The following HVCN1 variants were observed in gnomAD, a reference collection of about 807,000 sequenced individuals.
The protein encoded by HVCN1 is voltage-gated hydrogen channel 1.
In HVCN1, 14 loss-of-function variants were observed where a neutral mutation model predicts 29.2. The observed-to-expected ratio is 0.48, with a 90% confidence interval of 0.32 to 0.75. The LOEUF (loss-of-function observed/expected upper bound fraction) is 0.75, where lower values mean the gene tolerates loss of function less well. Among genes scored for constraint, HVCN1 ranks in the 30% least tolerant of loss-of-function variants. HVCN1 has a pLI of 0.04. For synonymous variants in HVCN1, 131 were observed against 133.2 expected, an observed-to-expected ratio of 0.98 and a Z score of 0.11; for missense variants, 263 against 341.8, an observed-to-expected ratio of 0.77 and a Z score of 1.82.
At chr12:110,655,797 T>C (rs1029124180) in intron 4 of HVCN1, among the ~76,000 whole-genome samples, 2 of 150,886 alleles carry the variant, frequency 1.3e-5, no homozygotes, top group African/African-American at 4.9e-5. Flanking sequence ...CTCTGCCTCC[T>C]GAGTTCAAGC....
At chr12:110,698,732 G>A (rs571447230) in intron 2 of HVCN1, among the ~76,000 whole-genome samples, 5 of 152,170 alleles carry the variant, frequency 3.3e-5, no homozygotes, top group African/African-American at 4.8e-5. Context: ...GAGTCACTCC[G>A]TCCACTGGCC....
In HVCN1 at chr12:110,658,388, C is replaced by G. The variant is rs1325569578; in HGVS notation, c.306+2776G>C. Among the ~76,000 whole-genome samples the G allele has an allele frequency of 6.6e-6, 1 of 152,122 alleles. No homozygotes were observed. The highest frequency in any genetic ancestry group is 1.5e-5 in the Non-Finnish European group (1 of 68,018). ...GTCCCTCCACAAATCTGATCTCCCA[C>G]CCACACACTTAGAGCTTTCAAAGGC... On this transcript the variant is annotated intron_variant, in intron 4 of 7. Coordinates refer to ENST00000242607, the MANE Select transcript of HVCN1 (RefSeq NM_032369.4). The surrounding 1 kb of genome is among the most constrained non-coding windows in gnomAD (Gnocchi z 5.0).
upstream of HVCN1, among the ~76,000 whole-genome samples, chr12:110,691,352 C>G (rs1312760821): frequency 6.6e-6 from 1 of 152,216 alleles, no homozygotes; most frequent in Admixed American, 6.5e-5. Flanking sequence ...CGTGAGCCAC[C>G]GCGTCTGGCC....
In HVCN1 at chr12:110,649,434, A is replaced by G. The variant is rs1389750980; in HGVS notation, c.798T>C (p.His266=). ...TCTAGTTCACTTCACCAAGAAGTCC[A>G]TGCTGTCGCAATAGTTTGTTAAGTC... ...IERLNKLLRQ[H]GLLGEVN The change falls in exon 8 of 8, where the codon CAT becomes CAC. Residue 266 remains histidine (H), a synonymous_variant. Transcript: ENST00000242607. The G allele has an allele frequency of 1.9e-6, 3 of 1,609,182 alleles. No homozygotes were observed. The highest frequency in any genetic ancestry group is 2.2e-5 in the East Asian group (1 of 44,872).
rs1227447117 is a variant in HVCN1, at chr12:110,676,805, G to T, written c.21+6420C>A. Among the ~76,000 whole-genome samples, 1 of 151,994 alleles carries T rather than the reference G, an allele frequency of 6.6e-6. No homozygotes were observed. Among genetic ancestry groups the T allele is most frequent in the Non-Finnish European group, 1.5e-5 (1 of 68,016 alleles). On this transcript the variant is annotated intron_variant, in intron 3 of 7. Coordinates refer to ENST00000242607, the MANE Select transcript of HVCN1 (RefSeq NM_032369.4). The surrounding 1 kb of genome is among the most constrained non-coding windows in gnomAD (Gnocchi z 4.1). ...TACTGATTTTAATTTCAATCCTTTT[G>T]TGGCAATTAATCTGAGCCAGGAGCA...
chr12:110,651,072 A>C lies in HVCN1; in HGVS notation c.643+145T>G, dbSNP rs1010439518. On this transcript the variant is annotated intron_variant, in intron 6 of 7. Transcript: ENST00000242607. ...AAGGGCTGAAGAGGAAGAAGGGAGG[A>C]GAGGGAGGTGAGGGGGCAGAGGGGA... 2.2e-5 allele frequency: 14 copies of C among 626,114 alleles called. 1 individual carries two copies. The highest frequency in any genetic ancestry group is 2.2e-4 in the African/African-American group (12 of 54,302). The allele number at this position is 626,114 out of a possible 1,614,324, so 38.8% of individuals were successfully genotyped here.
chr12:110,663,018 G>T (rs180911777), intron 3 of HVCN1, among the ~76,000 whole-genome samples: 7 of 152,274 alleles, frequency 4.6e-5, no homozygotes, highest in Admixed American at 3.3e-4. Flanking sequence ...TCAGAAAAAC[G>T]CAGAGTGAAG....
chr12:110,697,172 G>A (rs2069506547), intron 2 of HVCN1, among the ~76,000 whole-genome samples: 1 of 152,044 alleles, frequency 6.6e-6, no homozygotes, highest in African/African-American at 2.4e-5. Context: ...CAAAGTGGAG[G>A]TGTCACCTGG....
chr12:110,672,858 C>A (rs1363857063), intron 3 of HVCN1, among the ~76,000 whole-genome samples: 1 of 152,206 alleles, frequency 6.6e-6, no homozygotes, highest in South Asian at 2.1e-4. Flanking sequence ...TCGCCTCCTG[C>A]CATAATTCTG....
intron 3 of HVCN1, among the ~76,000 whole-genome samples, chr12:110,664,947 A>G (rs1246658751): frequency 6.6e-6 from 1 of 152,238 alleles, no homozygotes; most frequent in Non-Finnish European, 1.5e-5. Flanking sequence ...CAGCCAGAGT[A>G]GAGAGACCTC....
intron 2 of HVCN1, among the ~76,000 whole-genome samples, chr12:110,700,072 C>G (rs1019208373): frequency 1.3e-5 from 2 of 152,174 alleles, no homozygotes; most frequent in African/African-American, 4.8e-5. Context: ...GAGGAATTGC[C>G]CAGAGTGGCC....
intron 3 of HVCN1, among the ~76,000 whole-genome samples, chr12:110,674,739 T>C (rs1407736996): frequency 1.3e-5 from 2 of 152,202 alleles, no homozygotes; most frequent in Admixed American, 6.5e-5. Flanking sequence ...CCTGCCATGA[T>C]TCTGAGGCCT....
At chr12:110,671,470 G>A (rs986273041) in intron 3 of HVCN1, among the ~76,000 whole-genome samples, 7 of 152,238 alleles carry the variant, frequency 4.6e-5, no homozygotes, top group South Asian at 4.1e-4. Flanking sequence ...ATCCCAAAGC[G>A]TCCAGGAGCC....
intron 2 of HVCN1, among the ~76,000 whole-genome samples, chr12:110,701,864 AAACAAAACAACAAG>A (rs1196098222): frequency 6.7e-6 from 1 of 149,566 alleles, no homozygotes; most frequent in East Asian, 1.9e-4. Context: ...CTCAAAAACA[AAACAAAACAACAAG>A]AACAAAACAA....
chr12:110,694,085 T>C (rs528049238), upstream of HVCN1, among the ~76,000 whole-genome samples: 1 of 152,242 alleles, frequency 6.6e-6, no homozygotes, highest in South Asian at 2.1e-4. The surrounding 1 kb of genome is among the most constrained non-coding windows in gnomAD (Gnocchi z 4.6). Context: ...TATTTAGGGA[T>C]GGGGTCTTGC....
chr12:110,682,350 TCAC>T (rs976501791), intron 3 of HVCN1, among the ~76,000 whole-genome samples: 27 of 152,142 alleles, frequency 1.8e-4, no homozygotes, highest in African/African-American at 6.5e-4. Context: ...CAGGCGCATG[TCAC>T]CACGCCTGGC....
chr12:110,663,188 A>G (rs2068233985), intron 3 of HVCN1, among the ~76,000 whole-genome samples: 1 of 152,180 alleles, frequency 6.6e-6, no homozygotes, highest in Non-Finnish European at 1.5e-5. Context: ...GATCTTGTCA[A>G]GTTGAAGTGG....
intron 3 of HVCN1, among the ~76,000 whole-genome samples, chr12:110,670,562 TC>T (rs1342777275): frequency 6.6e-6 from 1 of 152,186 alleles, no homozygotes; most frequent in Non-Finnish European, 1.5e-5. Context: ...GTTGAGGCCA[TC>T]CTTTAGGGTC....
intron 2 of HVCN1, among the ~76,000 whole-genome samples, chr12:110,695,483 G>T (rs973507359): frequency 6.6e-6 from 1 of 152,124 alleles, no homozygotes; most frequent in Non-Finnish European, 1.5e-5. Context: ...TTGAGTCTGG[G>T]AGGTCAAGGC....
Sources: allele counts gnomAD v4.1 joint callset (sites outside exome capture counted in the v4.1 genomes callset), GRCh38; gene constraint gnomAD v4.1.1; non-coding constraint Gnocchi (gnomAD v3.1); transcripts MANE v1.5; gene names NCBI Gene and HGNC (gene_info 2026-07-23, HGNC 2026-07-21).